Variants in OS9 observed in about 807,000 individuals in gnomAD.
The protein encoded by OS9 is protein OS-9.
A neutral mutation model predicts 84.7 loss-of-function variants in OS9; 58 were observed. The ratio of observed to expected loss-of-function variants is 0.68; its 90% CI spans 0.55 to 0.85. The LOEUF (loss-of-function observed/expected upper bound fraction) is 0.85. Among genes scored for constraint, OS9 ranks in the 40% least tolerant of loss-of-function variants. The pLI is 0.00. For synonymous variants in OS9, 278 were observed against 320.8 expected (o/e 0.87, Z 1.43); for missense variants, 760 against 850.9 (o/e 0.89, Z 1.33).
chr12:57,715,978 A>G lies in OS9; in HGVS notation c.790+8A>G. On this transcript the variant is annotated splice_region_variant and intron_variant, in intron 6 of 14. Coordinates refer to ENST00000315970, the MANE Select transcript of OS9 (RefSeq NM_006812.4). Reference sequence around the variant, plus strand: ...ACGTTCAGAGGCAAGCCGGTGAGTAATTAGAGAAGGAGGAGAAGACGGGGA... The same window carrying G: ...ACGTTCAGAGGCAAGCCGGTGAGTAGTTAGAGAAGGAGGAGAAGACGGGGA... 6.2e-7 allele frequency: 1 copy of G among 1,610,962 alleles called. No individual in the cohort carries two copies. The highest frequency in any genetic ancestry group is 1.3e-5 in the African/African-American group (1 of 74,982).
rs764810721 is a variant in OS9, at chr12:57,716,206, T to G, written c.892+13T>G. 6.4e-7 allele frequency: 1 copy of G among 1,560,684 alleles called. No individual in the cohort carries two copies. The highest frequency in any genetic ancestry group is 8.8e-7 in the Non-Finnish European group (1 of 1,135,044). ...CAAAAGATGGCAGGTAGGACCTTGTTTCACCTGTTCCGTGAAACTCACTTC... is the reference window on the plus strand; with the variant it reads ...CAAAAGATGGCAGGTAGGACCTTGTGTCACCTGTTCCGTGAAACTCACTTC... On this transcript the variant is annotated intron_variant, in intron 7 of 14. Coordinates refer to ENST00000315970, the MANE Select transcript of OS9 (RefSeq NM_006812.4).
intron 5 of OS9, among the ~76,000 whole-genome samples, chr12:57,701,791 T>TGTTTG (rs1203217562): frequency 6.6e-6 from 1 of 151,524 alleles, no homozygotes; most frequent in Non-Finnish European, 1.5e-5. Flanking sequence ...ATTTTTTGTT[T>TGTTTG]GTTTTGTTTT....
At chr12:57,715,181 T>C (rs1954447702) in intron 5 of OS9, among the ~76,000 whole-genome samples, 1 of 152,058 alleles carries the variant, frequency 6.6e-6, no homozygotes, top group Admixed American at 6.6e-5. Flanking sequence ...TGGGCTAACA[T>C]GGTGAAACCC....
At chr12:57,696,140 TTGG>T in intron 4 of OS9, 102 bp downstream of exon 4, 3 of 1,219,182 alleles carry the variant, frequency 2.5e-6, no homozygotes, top group Non-Finnish European at 3.6e-6. Flanking sequence ...TTCTTGGGGC[TTGG>T]TGGCCATTAG....
chr12:57,702,529 C>T lies in OS9; in HGVS notation c.579+6156C>T, dbSNP rs534818526. Among the ~76,000 whole-genome samples, 7 of 152,306 alleles carry T rather than the reference C, an allele frequency of 4.6e-5. No individual in the cohort carries two copies. In the South Asian group the frequency reaches 6.2e-4, roughly 14 times the overall value. The stretch of plus-strand genomic sequence containing the variant: ...CTTTTGGTTACTGTGAATAATGCTG[C>T]GATGAACATTGGTGTACAAGTATCT... On this transcript the variant is annotated intron_variant, in intron 5 of 14. Coordinates refer to ENST00000315970, the MANE Select transcript of OS9 (RefSeq NM_006812.4).
At chr12:57,694,464 G>T (rs1003356100) in intron 1 of OS9, 141 bp downstream of exon 1, 1 of 941,832 alleles carries the variant, frequency 1.1e-6, no homozygotes, top group African/African-American at 1.7e-5. Context: ...GTGACCCCTG[G>T]GGGTCGCAGA....
At chr12:57,713,672 C>T (rs1954395840) in intron 5 of OS9, among the ~76,000 whole-genome samples, 1 of 151,368 alleles carries the variant, frequency 6.6e-6, no homozygotes. Flanking sequence ...AATAGGAAGT[C>T]CCTCCCCCTC....
At chr12:57,706,138 G>A (rs1954159267) in intron 5 of OS9, among the ~76,000 whole-genome samples, 1 of 152,140 alleles carries the variant, frequency 6.6e-6, no homozygotes, top group South Asian at 2.1e-4. Flanking sequence ...TTTCCTGCAG[G>A]CTTTTTGCAG....
rs73125477 is a variant in OS9, at chr12:57,715,924, T to G, written c.744T>G (p.Pro248=). Residue 248 remains proline (P), a synonymous_variant, in exon 6 of 15, where the codon CCT becomes CCG. Transcript: ENST00000315970. The stretch of plus-strand genomic sequence containing the variant: ...CACCGCAGGCCATCCTCTGTCACCC[T>G]TCCCTACAGCCTGAGGAGTACATGG... The part of the protein sequence containing the change: ...SAAPQAILCH[P]SLQPEEYMAY... The G allele has an allele frequency of 7.3e-3, 11,806 of 1,613,030 alleles. 58 individuals carry two copies. The highest frequency in any genetic ancestry group is 8.1e-3 in the South Asian group (735 of 90,912).
chr12:57,695,037 A>G, intron 2 of OS9, 111 bp downstream of exon 2: 1 of 881,404 alleles, frequency 1.1e-6, no homozygotes, highest in Admixed American at 2.2e-5. Context: ...GGTTAAGAAG[A>G]CCACTGGAGG....
At chr12:57,717,594 A>G (rs1371088580) in intron 9 of OS9, among the ~76,000 whole-genome samples, 1 of 152,004 alleles carries the variant, frequency 6.6e-6, no homozygotes, top group Non-Finnish European at 1.5e-5. Flanking sequence ...AGAGTTCAAG[A>G]CAAACCTGGC....
chr12:57,706,313 T>A (rs1954164944), intron 5 of OS9, among the ~76,000 whole-genome samples: 1 of 152,136 alleles, frequency 6.6e-6, no homozygotes, highest in Non-Finnish European at 1.5e-5. Flanking sequence ...AGTTTTTTTT[T>A]ATTCTTTCAC....
Position 57,694,828 on chromosome 12 carries a change from C to T in OS9, c.241C>T (p.His81Tyr). ...GTGTCGCCTGCCAGCTGGAGCTATT[C>T]ACTTCCAGCGTGAAAGGGAGGAGGA... is the stretch of plus-strand genomic sequence containing the variant. ...YECRLPAGAIHFQREREEETP... is the reference protein window; with the variant it reads ...YECRLPAGAIYFQREREEETP... Residue 81 changes from histidine to tyrosine, a missense_variant, in exon 2 of 15, where the codon CAC becomes TAC. His to Tyr is a moderately conservative substitution (Grantham distance 83). Transcript: ENST00000315970. The T allele has an allele frequency of 1.2e-6, 2 of 1,613,924 alleles. No individual in the cohort carries two copies. Among genetic ancestry groups the T allele is most frequent in the Non-Finnish European group, 1.7e-6 (2 of 1,179,814 alleles).
chr12:57,715,691 C>T lies in OS9; in HGVS notation c.580-69C>T, dbSNP rs917611450. Reference sequence around the variant, plus strand: ...CAGATAATCAGTGCTTAGTAAAAGACACCTGCTCTAATAACTAAAGCAAAT... The same window carrying T: ...CAGATAATCAGTGCTTAGTAAAAGATACCTGCTCTAATAACTAAAGCAAAT... On this transcript the variant is annotated intron_variant, in intron 5 of 14. Coordinates refer to ENST00000315970, the MANE Select transcript of OS9 (RefSeq NM_006812.4). The T allele has an allele frequency of 1.6e-5, 18 of 1,129,440 alleles. No homozygotes were observed. The South Asian group carries it at 2.0e-4, about 13-fold the overall frequency. The allele number at this position is 1,129,440 out of a possible 1,614,324, so 70.0% of individuals were successfully genotyped here.
Position 57,716,501 on chromosome 12 carries a change from G to A in OS9, c.982G>A (p.Val328Met), listed in dbSNP as rs1954502541. The A allele has an allele frequency of 3.8e-6, 6 of 1,572,726 alleles. No individual in the cohort carries two copies. The South Asian group carries it at 4.7e-5, about 12-fold the overall frequency. The change falls in exon 8 of 15, where the codon GTG becomes ATG. Residue 328 changes from valine to methionine, a missense_variant. Coordinates refer to ENST00000315970, the MANE Select transcript of OS9 (RefSeq NM_006812.4). ...PEDQAPGGEEVPAEEQDPSPE... is the reference protein window; with the variant it reads ...PEDQAPGGEEMPAEEQDPSPE... ...GGACCAGGCCCCAGGAGGGGAGGAG[G>A]TGCCGGCTGAGGTGAGACCAGCTGC...
rs756326069 is a variant in OS9 at position 57,716,506 on chromosome 12, G to T, written c.987G>T (p.Pro329=). The change falls in exon 8 of 15, where the codon CCG becomes CCT. Residue 329 remains proline (P), a synonymous_variant. Transcript: ENST00000315970. ...EDQAPGGEEV[P]AEEQDPSPEA... ...AGGCCCCAGGAGGGGAGGAGGTGCC[G>T]GCTGAGGTGAGACCAGCTGCCTCAG... is the stretch of plus-strand genomic sequence containing the variant. The T allele has an allele frequency of 6.4e-7, 1 of 1,571,790 alleles. No individual in the cohort carries two copies. The highest frequency in any genetic ancestry group is 1.2e-5 in the South Asian group (1 of 86,012).
At chr12:57,702,487 G>A (rs1249365312) in intron 5 of OS9, among the ~76,000 whole-genome samples, 3 of 152,188 alleles carry the variant, frequency 2.0e-5, no homozygotes, top group Admixed American at 1.3e-4. Context: ...TCAATGGATG[G>A]ACAAATAGGT....
In OS9 at chr12:57,694,199, T is replaced by C; in HGVS notation, c.38T>C (p.Leu13Pro). Residue 13 changes from leucine (L) to proline (P), a missense_variant, in exon 1 of 15, where the codon CTG becomes CCG. By Grantham distance (98) the Leu-to-Pro change is moderately conservative. Coordinates refer to ENST00000315970, the MANE Select transcript of OS9 (RefSeq NM_006812.4). ...ACGCTGCTGTCCAGTTTGTTAGGACTGCTGCTTCTGGGACTCCTGTTACCC... is the reference window on the plus strand; with the variant it reads ...ACGCTGCTGTCCAGTTTGTTAGGACCGCTGCTTCTGGGACTCCTGTTACCC... ...AETLLSSLLGLLLLGLLLPAS... is the reference protein window; with the variant it reads ...AETLLSSLLGPLLLGLLLPAS... 1.2e-6 allele frequency: 2 copies of C among 1,614,182 alleles called. No homozygotes were observed. The highest frequency in any genetic ancestry group is 1.7e-6 in the Non-Finnish European group (2 of 1,180,022).
intron 5 of OS9, among the ~76,000 whole-genome samples, chr12:57,700,031 G>A (rs900081630): frequency 6.6e-6 from 1 of 152,078 alleles, no homozygotes; most frequent in Non-Finnish European, 1.5e-5. Context: ...GGAGGCGGAG[G>A]TCGCAGTGAG....
Sources: gnomAD v4.1 joint callset for allele counts (sites outside exome capture counted in the v4.1 genomes callset) on GRCh38, gnomAD v4.1.1 for gene constraint, MANE v1.5 for transcripts, NCBI Gene and HGNC (gene_info 2026-07-23, HGNC 2026-07-21) for gene names.